The following NRG1 variants were observed in gnomAD, a reference collection of about 807,000 sequenced individuals.
NRG1 encodes the protein neuregulin 1.
A neutral mutation model predicts 63.8 loss-of-function variants in NRG1; 18 were observed. That is an observed-to-expected ratio of 0.28 (90% confidence interval 0.19 to 0.42). The LOEUF is 0.42. Ranked by LOEUF, NRG1 falls within the 10% of genes least tolerant of loss-of-function variation. NRG1 has a pLI of 1.00. For missense variants in NRG1, 762 were observed against 814.7 expected (o/e 0.94, Z 0.79); for synonymous variants, 302 against 301.3 (o/e 1.00, Z -0.02).
At chr8:32,349,087 GCA>G (rs1805266228) in intron 1 of NRG1, among the ~76,000 whole-genome samples, 1 of 152,162 alleles carries the variant, frequency 6.6e-6, no homozygotes, top group African/African-American at 2.4e-5. Context: ...ACTGCCTTCT[GCA>G]AGCCAGTTGA....
chr8:32,609,299 C>T (rs905911478), intron 3 of NRG1, among the ~76,000 whole-genome samples: 1 of 152,160 alleles, frequency 6.6e-6, no homozygotes, highest in Non-Finnish European at 1.5e-5. Flanking sequence ...CTGTTCAATG[C>T]TTGGTTGTCA....
At chr8:32,427,661 T>A (rs10503915) in intron 1 of NRG1, among the ~76,000 whole-genome samples, 1 of 152,056 alleles carries the variant, frequency 6.6e-6, no homozygotes, top group Non-Finnish European at 1.5e-5. Context: ...TACCTTCAAT[T>A]TGATAGCTCC....
chr8:31,730,552 C>T (rs1023893033), intron 1 of NRG1, among the ~76,000 whole-genome samples: 2 of 152,094 alleles, frequency 1.3e-5, no homozygotes, highest in South Asian at 2.1e-4. Context: ...GGGCGTCAGA[C>T]AATTTGCTAT....
At chr8:31,727,054 G>T (rs1813522152) in intron 1 of NRG1, among the ~76,000 whole-genome samples, 3 of 152,102 alleles carry the variant, frequency 2.0e-5, no homozygotes, top group Admixed American at 2.0e-4. Context: ...GAAGTACTTG[G>T]ACTGGAGGGT....
intron 1 of NRG1, among the ~76,000 whole-genome samples, chr8:31,737,158 A>G (rs1263708940): frequency 6.6e-6 from 1 of 152,104 alleles, no homozygotes; most frequent in Non-Finnish European, 1.5e-5. Flanking sequence ...GGTATCTGAG[A>G]GCCTAGAAGT....
At chr8:32,046,581 T>C (rs1267726062) in intron 1 of NRG1, among the ~76,000 whole-genome samples, 1 of 152,080 alleles carries the variant, frequency 6.6e-6, no homozygotes, top group Non-Finnish European at 1.5e-5. Flanking sequence ...AAACAAACTG[T>C]GGTATCTGAC....
intron 1 of NRG1, among the ~76,000 whole-genome samples, chr8:32,209,326 A>G (rs987580251): frequency 6.6e-6 from 1 of 152,164 alleles, no homozygotes; most frequent in African/African-American, 2.4e-5. Flanking sequence ...TTAAAAATAG[A>G]TAAGTAAATG....
chr8:32,552,447 A>G (rs1443571017), intron 1 of NRG1, among the ~76,000 whole-genome samples: 2 of 152,086 alleles, frequency 1.3e-5, no homozygotes, highest in Non-Finnish European at 2.9e-5. Flanking sequence ...GGTGATGGAA[A>G]CATTGAGAAA....
intron 1 of NRG1, among the ~76,000 whole-genome samples, chr8:32,040,291 A>G (rs529434892): frequency 1.1e-4 from 17 of 152,206 alleles, no homozygotes; most frequent in Non-Finnish European, 2.2e-4. Flanking sequence ...GTGTATTTCA[A>G]TTTAAATTGT....
intron 1 of NRG1, among the ~76,000 whole-genome samples, chr8:31,652,810 G>C (rs991255220): frequency 1.3e-5 from 2 of 152,168 alleles, no homozygotes; most frequent in East Asian, 1.9e-4. Context: ...AGTGAAAAGT[G>C]TTGTATAATA....
chr8:32,093,530 T>C (rs1038765132), intron 1 of NRG1, among the ~76,000 whole-genome samples: 1 of 152,170 alleles, frequency 6.6e-6, no homozygotes, highest in Non-Finnish European at 1.5e-5. Flanking sequence ...GCCAGAGCCT[T>C]CCAAGGTACA....
chr8:32,084,339 A>G, intron 1 of NRG1, among the ~76,000 whole-genome samples: 1 of 151,868 alleles, frequency 6.6e-6, no homozygotes, highest in East Asian at 1.9e-4. Context: ...ATTAGAACAT[A>G]GTCATTTAGT....
intron 1 of NRG1, among the ~76,000 whole-genome samples, chr8:32,229,916 A>T (rs1408369718): frequency 6.6e-6 from 1 of 152,074 alleles, no homozygotes; most frequent in Non-Finnish European, 1.5e-5. Flanking sequence ...CATTAGAAAT[A>T]GCTGTCCTGC....
chr8:32,047,547 TA>T (rs1231580656), intron 1 of NRG1, among the ~76,000 whole-genome samples: 1 of 152,066 alleles, frequency 6.6e-6, no homozygotes, highest in Non-Finnish European at 1.5e-5. Flanking sequence ...AATTTCCTAT[TA>T]AGGAAATTTG....
chr8:31,933,245 C>T (rs1041037982), intron 1 of NRG1, among the ~76,000 whole-genome samples: 1 of 151,638 alleles, frequency 6.6e-6, no homozygotes, highest in Non-Finnish European at 1.5e-5. Flanking sequence ...CTCATTTGGT[C>T]CCCACAATAA....
intron 1 of NRG1, among the ~76,000 whole-genome samples, chr8:31,736,845 G>A (rs1033192539): frequency 4.6e-5 from 7 of 152,050 alleles, no homozygotes; most frequent in Non-Finnish European, 8.8e-5. Flanking sequence ...ATGTATGTAT[G>A]TACGTACACA....
intron 1 of NRG1, among the ~76,000 whole-genome samples, chr8:31,789,706 T>C (rs1820513263): frequency 1.3e-5 from 2 of 152,170 alleles, no homozygotes; most frequent in South Asian, 4.1e-4. Context: ...CTATATGTTT[T>C]TACGCAAAAT....
At chr8:31,797,129 T>C (rs2131696225) in intron 1 of NRG1, among the ~76,000 whole-genome samples, 1 of 152,330 alleles carries the variant, frequency 6.6e-6, no homozygotes, top group Non-Finnish European at 1.5e-5. Flanking sequence ...CTTTGAAACT[T>C]GGTAACATCC....
chr8:31,751,244 T>C (rs1339750958), intron 1 of NRG1, among the ~76,000 whole-genome samples: 2 of 152,028 alleles, frequency 1.3e-5, no homozygotes, highest in African/African-American at 4.8e-5. Flanking sequence ...ATATCACTTT[T>C]GGAAAAGCTG....
Sources: gnomAD v4.1 joint callset for allele counts (sites outside exome capture counted in the v4.1 genomes callset) on GRCh38, gnomAD v4.1.1 for gene constraint, MANE v1.5 for transcripts, NCBI Gene and HGNC (gene_info 2026-07-23, HGNC 2026-07-21) for gene names.